MROH2B: variants seen among roughly 807,000 people sequenced by gnomAD.
The protein encoded by MROH2B is maestro heat-like repeat-containing protein family member 2B.
A neutral mutation model predicts 208.6 loss-of-function variants in MROH2B; 177 were observed. The ratio of observed to expected loss-of-function variants is 0.85; its 90% CI spans 0.75 to 0.96. MROH2B has a LOEUF of 0.96. Ranked by LOEUF, MROH2B falls within the 40% of genes least tolerant of loss-of-function variation. MROH2B has a pLI of 0.00. For synonymous variants in MROH2B, 728 were observed against 659.0 expected, an observed-to-expected ratio of 1.10 and a Z score of -1.60; for missense variants, 2,002 against 1,878.7, an observed-to-expected ratio of 1.07 and a Z score of -1.21.
Position 41,069,697 on chromosome 5 carries a change from A to C in MROH2B, c.84T>G (p.Val28=). Residue 28 remains valine (V), a synonymous_variant, in exon 2 of 42, where the codon GTT becomes GTG. Coordinates refer to ENST00000399564, the MANE Select transcript of MROH2B (RefSeq NM_173489.5). The part of the protein sequence containing the change: ...TLGMLNKEDI[V]NKEDIYSHLT... ...TTTTCTCTGTTTTCCCTACCTTGTT[A>C]ACAATATCTTCCTTGTTCAGCATGC... 1 of 1,603,726 alleles carries C rather than the reference A, an allele frequency of 6.2e-7. No individual in the cohort carries two copies. The highest frequency in any genetic ancestry group is 8.5e-7 in the Non-Finnish European group (1 of 1,173,996).
Position 41,000,831 on chromosome 5 carries a change from C to T in MROH2B, c.4197G>A (p.Glu1399=), listed in dbSNP as rs370839551. The T allele has an allele frequency of 1.9e-6, 3 of 1,609,134 alleles. No homozygotes were observed. The highest frequency in any genetic ancestry group is 1.3e-5 in the African/African-American group (1 of 74,700). Residue 1399 remains glutamate (E), a splice_region_variant and synonymous_variant, in exon 38 of 42, where the codon GAG becomes GAA. Coordinates refer to ENST00000399564, the MANE Select transcript of MROH2B (RefSeq NM_173489.5). ...VLQTRTFFED[E]QDDVRLTAIF... Reference sequence around the variant, plus strand: ...TGGCAGTCAATCTCACATCATCCTGCTCCTGTGGTGACGAATGCATGTCGT... The same window carrying T: ...TGGCAGTCAATCTCACATCATCCTGTTCCTGTGGTGACGAATGCATGTCGT...
intron 37 of MROH2B, among the ~76,000 whole-genome samples, chr5:41,001,757 G>A (rs1431999492): frequency 6.6e-6 from 1 of 151,920 alleles, no homozygotes; most frequent in African/African-American, 2.4e-5. Flanking sequence ...GAGAAAGGTG[G>A]TGGTGGAGGA....
intron 38 of MROH2B, 32 bp from the exon 39 acceptor site, chr5:41,000,383 A>T (rs780408280): frequency 6.2e-7 from 1 of 1,608,934 alleles, no homozygotes; most frequent in South Asian, 1.1e-5. Context: ...ATCACAGTCC[A>T]GAACGTTAGG....
At chr5:41,021,242 A>C (rs1742136579) in intron 24 of MROH2B, among the ~76,000 whole-genome samples, 1 of 152,252 alleles carries the variant, frequency 6.6e-6, no homozygotes, top group Non-Finnish European at 1.5e-5. Context: ...AAACTTAACC[A>C]AGTGAAACAC....
chr5:41,023,981 G>A (rs1481154515), intron 24 of MROH2B, among the ~76,000 whole-genome samples: 1 of 152,164 alleles, frequency 6.6e-6, no homozygotes, highest in South Asian at 2.1e-4. Context: ...ACAAGCAAAT[G>A]CTGAGAGATT....
chr5:41,069,097 C>T (rs1011570476), intron 2 of MROH2B, among the ~76,000 whole-genome samples: 2 of 152,122 alleles, frequency 1.3e-5, no homozygotes, highest in African/African-American at 4.8e-5. Context: ...AGTCATGTAA[C>T]TTCTCTCTGC....
chr5:41,018,431 C>G lies in MROH2B; in HGVS notation c.2674-1G>C. On this transcript the variant is annotated splice_acceptor_variant, in intron 26 of 41. Transcript: ENST00000399564. LOFTEE classifies it high-confidence loss of function. ...GTGAAACAAGCCACATTTGGAGAAG[C>G]TGTTGGTCAAAGAATAAATGTTCTT... is the stretch of plus-strand genomic sequence containing the variant. 1 of 1,611,640 alleles carries G rather than the reference C, an allele frequency of 6.2e-7. No individual in the cohort carries two copies. The highest frequency in any genetic ancestry group is 8.5e-7 in the Non-Finnish European group (1 of 1,178,992).
At position 41,030,114 on chromosome 5, in the gene MROH2B, C is replaced by T. The variant is rs1010292108; in HGVS notation, c.2441+2628G>A. 9.9e-5 allele frequency among the ~76,000 whole-genome samples: 15 copies of T among 151,704 alleles called. No homozygotes were observed. The East Asian group carries it at 1.9e-3, about 20-fold the overall frequency. On this transcript the variant is annotated intron_variant, in intron 24 of 41. Transcript: ENST00000399564. ...TAAAAAAAATATTATAATTAAACAA[C>T]GAAACACCAAACAACTTGATTTTAA... is the stretch of plus-strand genomic sequence containing the variant.
At chr5:41,022,389 A>G (rs1269212544) in intron 24 of MROH2B, among the ~76,000 whole-genome samples, 1 of 152,176 alleles carries the variant, frequency 6.6e-6, no homozygotes, top group Admixed American at 6.5e-5. Flanking sequence ...CAAATGGCAC[A>G]CCAGGAGATT....
At chr5:41,054,172 G>C (rs552981829) in intron 11 of MROH2B, among the ~76,000 whole-genome samples, 5 of 152,160 alleles carry the variant, frequency 3.3e-5, no homozygotes, top group South Asian at 2.1e-4. Flanking sequence ...TAGAGACGGG[G>C]TTTCACCATG....
Position 41,025,952 on chromosome 5 carries a change from T to C in MROH2B, c.2441+6790A>G, listed in dbSNP as rs961252668. Among the ~76,000 whole-genome samples the C allele has an allele frequency of 2.6e-5, 4 of 152,260 alleles. No homozygotes were observed. In the South Asian group the frequency reaches 8.3e-4, roughly 32 times the overall value. On this transcript the variant is annotated intron_variant, in intron 24 of 41. Transcript: ENST00000399564. ...GACAAAAACCCCATGATTATCTCAA[T>C]AGATGCAGAAAAGGCCTTTGACAAA...
rs897731404 is a variant in MROH2B at position 41,067,111 on chromosome 5, G to A, written c.198C>T (p.Asn66=). The A allele has an allele frequency of 1.3e-5, 20 of 1,541,860 alleles. No homozygotes were observed. Among genetic ancestry groups the A allele is most frequent in the Admixed American group, 2.0e-5 (1 of 51,048 alleles). Residue 66 remains asparagine, a synonymous_variant, in exon 3 of 42, where the codon AAC becomes AAT. Coordinates refer to ENST00000399564, the MANE Select transcript of MROH2B (RefSeq NM_173489.5). ...CACCATCATGAACCAAACTTACATT[G>A]TTGTCTCTCATATCCTTAGAAGCAT... ...IYYASKDMRD[N]NMLREIRMLA...
chr5:41,045,707 A>G, intron 18 of MROH2B, 39 bp downstream of exon 18: 1 of 1,482,756 alleles, frequency 6.7e-7, no homozygotes, highest in Non-Finnish European at 9.4e-7. Context: ...TTTGGATCAT[A>G]GGTAAAAGCT....
intron 33 of MROH2B, 122 bp downstream of exon 33, chr5:41,008,484 C>T: frequency 8.9e-7 from 1 of 1,128,482 alleles, no homozygotes; most frequent in South Asian, 1.6e-5. Context: ...CCTTGTAGAG[C>T]CTTGTTTCTT....
intron 32 of MROH2B, 133 bp downstream of exon 32, chr5:41,009,147 A>C: frequency 1.6e-6 from 2 of 1,268,838 alleles, no homozygotes; most frequent in Non-Finnish European, 2.2e-6. Context: ...CCACAACTAT[A>C]AACTGGAGTA....
rs373008743 is a variant in MROH2B, at chr5:41,061,628, A to G, written c.557T>C (p.Ile186Thr). ...RLDANRLSDK[I>T]FMLFWYIMEK... The stretch of plus-strand genomic sequence containing the variant: ...CATTATATACCAGAACAGCATGAAG[A>G]TCTTGTCAGACAGTCGGTTGGCATC... Residue 186 changes from isoleucine to threonine, a missense_variant, in exon 6 of 42, where the codon ATC (isoleucine) becomes ACC (threonine). Transcript: ENST00000399564. 1.2e-6 allele frequency: 2 copies of G among 1,613,968 alleles called. No homozygotes were observed. Among genetic ancestry groups the G allele is most frequent in the Non-Finnish European group, 1.7e-6 (2 of 1,179,864 alleles).
intron 21 of MROH2B, among the ~76,000 whole-genome samples, chr5:41,034,679 A>T (rs1228370274): frequency 6.6e-6 from 1 of 152,084 alleles, no homozygotes; most frequent in African/African-American, 2.4e-5. Context: ...CACTGGCAAA[A>T]TGAGTTAATA....
At chr5:41,056,888 AG>A (rs777960623) in intron 9 of MROH2B, among the ~76,000 whole-genome samples, 210 of 151,968 alleles carry the variant, frequency 1.4e-3, no homozygotes, top group Non-Finnish European at 2.1e-3. Context: ...GACCTATCCC[AG>A]TCGTGGAAAC....
chr5:41,051,869 G>C (rs1579950753), intron 12 of MROH2B, among the ~76,000 whole-genome samples: 1 of 152,106 alleles, frequency 6.6e-6, no homozygotes, highest in Non-Finnish European at 1.5e-5. Flanking sequence ...TGCTCCATCA[G>C]CATACAGCTT....
Sources: gnomAD v4.1 joint callset for allele counts (sites outside exome capture counted in the v4.1 genomes callset) on GRCh38, gnomAD v4.1.1 for gene constraint, MANE v1.5 for transcripts, NCBI Gene and HGNC (gene_info 2026-07-23, HGNC 2026-07-21) for gene names.